Variants in NIN observed in about 807,000 individuals in gnomAD.
NIN encodes ninein, also known as glycogen synthase kinase 3 beta-interacting protein.
A neutral mutation model predicts 257.6 loss-of-function variants in NIN; 137 were observed. The ratio of observed to expected loss-of-function variants is 0.53; its 90% CI spans 0.46 to 0.61. The LOEUF (loss-of-function observed/expected upper bound fraction) is 0.61. Ranked by LOEUF, NIN falls within the 20% of genes least tolerant of loss-of-function variation. The pLI is 0.00. For missense variants in NIN, 2,439 were observed against 2,501.2 expected, an observed-to-expected ratio of 0.98 and a Z score of 0.53; for synonymous variants, 918 against 919.8, an observed-to-expected ratio of 1.00 and a Z score of 0.04.
rs73295471 is a variant in NIN at position 50,741,315 on chromosome 14, T to C, written c.5448+267A>G. On this transcript the variant is annotated intron_variant, in intron 25 of 30. Transcript: ENST00000530997. ...TCACTATGGTTTCATTTATATGAAA[T>C]TTAGAAAAAAGCATCCCTAAACTAC... 5.9e-3 allele frequency among the ~76,000 whole-genome samples: 895 copies of C among 152,262 alleles called. 7 individuals carry two copies. The highest frequency in any genetic ancestry group is 0.02 in the African/African-American group (841 of 41,558).
chr14:50,804,094 G>A (rs922364281), intron 4 of NIN, among the ~76,000 whole-genome samples: 11 of 151,764 alleles, frequency 7.2e-5, no homozygotes, highest in Non-Finnish European at 1.5e-4. Flanking sequence ...ACGGGGTTTC[G>A]TCACGCTGGC....
At chr14:50,756,222 T>C (rs560413362) in intron 18 of NIN, among the ~76,000 whole-genome samples, 2 of 152,054 alleles carry the variant, frequency 1.3e-5, no homozygotes, top group South Asian at 2.1e-4. Context: ...AAGAGGTACA[T>C]TGAGGATGCA....
At position 50,754,732 on chromosome 14, in the gene NIN, T is replaced by A. The variant is rs377406642; in HGVS notation, c.4664+10A>T. ...AAAATGTCTTAGGAAAATGTAAGTA[T>A]ACGTCTTACCACATTTCTTCCTGAG... is the stretch of plus-strand genomic sequence containing the variant. On this transcript the variant is annotated intron_variant, in intron 19 of 30. Coordinates refer to ENST00000530997, the MANE Select transcript of NIN (RefSeq NM_020921.4). 1 of 1,584,174 alleles carries A rather than the reference T, an allele frequency of 6.3e-7. No individual in the cohort carries two copies. Among genetic ancestry groups the A allele is most frequent in the African/African-American group, 1.3e-5 (1 of 74,084 alleles).
Position 50,793,371 on chromosome 14 carries a change from T to A in NIN, c.266-490A>T, listed in dbSNP as rs1249420498. Among the ~76,000 whole-genome samples the A allele has an allele frequency of 2.0e-5, 3 of 151,578 alleles. No homozygotes were observed. In the East Asian group the frequency reaches 5.8e-4, roughly 29 times the overall value. ...CCTCAGTGATTCCTCTGTTAACCAT[T>A]CCACTCTCTGATCTATCAGACAAGC... On this transcript the variant is annotated intron_variant, in intron 4 of 30. Coordinates refer to ENST00000530997, the MANE Select transcript of NIN (RefSeq NM_020921.4).
rs773272541 is a variant in NIN at position 50,752,614 on chromosome 14, T to C, written c.4854A>G (p.Leu1618=). Residue 1618 remains leucine (L), a synonymous_variant, in exon 21 of 31, where the codon CTA becomes CTG. Coordinates refer to ENST00000530997, the MANE Select transcript of NIN (RefSeq NM_020921.4). ...QELNQRLTEM[L]CQKEKEPGNS... is the part of the protein sequence containing the mutation. Reference sequence around the variant, plus strand: ...TTCCTGGCTCTTTTTCCTTCTGGCATAGCATTTCTGTTAGACGTTGATTAA... The same window carrying C: ...TTCCTGGCTCTTTTTCCTTCTGGCACAGCATTTCTGTTAGACGTTGATTAA... 5 of 1,614,100 alleles carry C rather than the reference T, an allele frequency of 3.1e-6. No homozygotes were observed. Among genetic ancestry groups the C allele is most frequent in the Non-Finnish European group, 4.2e-6 (5 of 1,179,956 alleles).
At chr14:50,747,950 C>T (rs370802655) in intron 22 of NIN, 42 bp downstream of exon 22, 28 of 1,290,920 alleles carry the variant, frequency 2.2e-5, no homozygotes, top group Non-Finnish European at 2.8e-5. Flanking sequence ...CCACCAGGTA[C>T]ATATTGTTCT....
At chr14:50,826,190 C>G (rs913866586) in intron 2 of NIN, among the ~76,000 whole-genome samples, 1 of 152,172 alleles carries the variant, frequency 6.6e-6, no homozygotes, top group South Asian at 2.1e-4. Flanking sequence ...ACATTTTGAG[C>G]GAGAAATTCT....
Position 50,729,258 on chromosome 14 carries a change from T to G in NIN, c.6078+265A>C, listed in dbSNP as rs561549514. Among the ~76,000 whole-genome samples, 13 of 139,790 alleles carry G rather than the reference T, an allele frequency of 9.3e-5. No homozygotes were observed. The East Asian group carries it at 2.5e-3, about 27-fold the overall frequency. 91.7% of individuals were successfully genotyped at this position (139,790 alleles called of 152,430 possible). ...GAAGATTTAGGATTGTGATTTTGTT[T>G]TTTTTTTTTTTAATTTAAGAGATGG... On this transcript the variant is annotated intron_variant, in intron 29 of 30. Transcript: ENST00000530997.
chr14:50,781,070 A>G (rs1357836366), intron 5 of NIN, among the ~76,000 whole-genome samples: 1 of 152,070 alleles, frequency 6.6e-6, no homozygotes, highest in Non-Finnish European at 1.5e-5. Context: ...CTCCACATTT[A>G]TTTTCCTGTT....
intron 5 of NIN, among the ~76,000 whole-genome samples, chr14:50,782,901 C>CAA (rs2043190158): frequency 6.6e-6 from 1 of 152,198 alleles, no homozygotes; most frequent in South Asian, 2.1e-4. Flanking sequence ...AGACACTCGA[C>CAA]TGAGATCTGC....
rs1053774579 is a variant in NIN at position 50,794,479 on chromosome 14, C to T, written c.266-1598G>A. 3.8e-5 allele frequency: 38 copies of T among 999,050 alleles called. No individual in the cohort carries two copies. The Admixed American group carries it at 6.0e-4, about 16-fold the overall frequency. 61.9% of individuals were successfully genotyped at this position (999,050 alleles called of 1,614,324 possible). A position where few individuals can be genotyped will look rare whatever the true frequency, so the allele number is the denominator to read the frequency against. On this transcript the variant is annotated intron_variant, in intron 4 of 30. Transcript: ENST00000530997. ...GTGTCAGCTTGTGACCATTCAGGAG[C>T]GGCCCAGACACCCGAGCTACTTGTT...
Position 50,720,464 on chromosome 14 carries a change from A to C in NIN, c.*2999T>G, listed in dbSNP as rs976034610. 4.7e-6 allele frequency: 1 copy of C among 210,760 alleles called. No homozygotes were observed. The highest frequency in any genetic ancestry group is 9.6e-6 in the Non-Finnish European group (1 of 103,628). 13.1% of individuals were successfully genotyped at this position (210,760 alleles called of 1,614,324 possible). A position where few individuals can be genotyped will look rare whatever the true frequency, so the allele number is the denominator to read the frequency against. On this transcript the variant is annotated 3_prime_UTR_variant, in exon 31 of 31. Transcript: ENST00000530997. ...ACCCTTAGAGAAGAAACAGTTTCTC[A>C]TAATATCTGCCCTGGGTAATAGTGC...
At chr14:50,774,849 G>A (rs531006861) in intron 7 of NIN, among the ~76,000 whole-genome samples, 3 of 152,314 alleles carry the variant, frequency 2.0e-5, no homozygotes, top group African/African-American at 4.8e-5. Context: ...TTCAGAAGAC[G>A]GGGCCGGGGC....
At chr14:50,787,289 T>C (rs1014087140) in intron 5 of NIN, among the ~76,000 whole-genome samples, 2 of 152,238 alleles carry the variant, frequency 1.3e-5, no homozygotes, top group Non-Finnish European at 2.9e-5. Flanking sequence ...ATTGTATTAA[T>C]TGCACAACCT....
chr14:50,760,338 G>A lies in NIN; in HGVS notation c.1918C>T (p.Leu640=). The A allele has an allele frequency of 6.3e-7, 1 of 1,582,290 alleles. No homozygotes were observed. The change falls in exon 17 of 31, where the codon CTG becomes TTG. Residue 640 remains leucine (L), a synonymous_variant. Transcript: ENST00000530997. ...EDKVRHYEKQ[L]DETVVSCKKA... is the part of the protein sequence containing the mutation. ...TTGCAGCTGACCACGGTTTCGTCCA[G>A]CTGCTTTTCATAATGGCGCACCTGA...
At chr14:50,827,988 C>CA (rs1488349287) in intron 2 of NIN, among the ~76,000 whole-genome samples, 1 of 147,170 alleles carries the variant, frequency 6.8e-6, no homozygotes, top group African/African-American at 2.5e-5. Context: ...AAACAAAAAA[C>CA]AAAAAACACA....
At chr14:50,726,282 AG>A (rs2040409444) in intron 29 of NIN, 3 of 484,340 alleles carry the variant, frequency 6.2e-6, no homozygotes, top group Non-Finnish European at 1.1e-5. Context: ...AAAAATCAAA[AG>A]AATCTTACCT....
chr14:50,792,973 A>G, intron 4 of NIN, 92 bp from the exon 5 acceptor site: 2 of 1,318,778 alleles, frequency 1.5e-6, no homozygotes, highest in Non-Finnish European at 2.1e-6. Context: ...CTCTTATACC[A>G]ACCTCAAAAT....
intron 4 of NIN, among the ~76,000 whole-genome samples, chr14:50,804,069 G>A (rs926113881): frequency 7.2e-5 from 11 of 151,910 alleles, no homozygotes; most frequent in African/African-American, 2.7e-4. Context: ...CTAATTTTTT[G>A]TATTGTTAGT....
Sources: allele counts gnomAD v4.1 joint callset (sites outside exome capture counted in the v4.1 genomes callset), GRCh38; gene constraint gnomAD v4.1.1; transcripts MANE v1.5; gene names NCBI Gene and HGNC (gene_info 2026-07-23, HGNC 2026-07-21).